The following ERBB4 variants were observed in gnomAD, a reference collection of about 807,000 sequenced individuals.
ERBB4 encodes erb-b2 receptor tyrosine kinase 4.
Under a neutral mutation model 158.0 loss-of-function variants are expected in ERBB4, and 42 were observed. That is an observed-to-expected ratio of 0.27 (90% CI 0.21 to 0.34). The LOEUF is 0.34. Among genes scored for constraint, ERBB4 ranks in the 10% least tolerant of loss-of-function variants. The pLI is 1.00. For missense variants in ERBB4, 1,333 were observed against 1,624.1 expected (o/e 0.82, Z 3.08); for synonymous variants, 583 against 558.7 (o/e 1.04, Z -0.61).
chr2:211,674,079 C>T (rs1367923644), intron 13 of ERBB4, among the ~76,000 whole-genome samples: 1 of 151,964 alleles, frequency 6.6e-6, no homozygotes. Flanking sequence ...ATTATTATAT[C>T]AATAATTAGA....
At chr2:212,145,727 T>TAAA (rs5838300) in intron 1 of ERBB4, among the ~76,000 whole-genome samples, 1 of 88,878 alleles carries the variant, frequency 1.1e-5, no homozygotes, top group African/African-American at 3.6e-5. Context: ...CAGCATGCAG[T>TAAA]AAAAAAAAAA....
At chr2:211,617,630 C>T (rs539598497) in intron 19 of ERBB4, among the ~76,000 whole-genome samples, 13 of 152,120 alleles carry the variant, frequency 8.5e-5, no homozygotes, top group African/African-American at 3.1e-4. Flanking sequence ...TATCAACCTA[C>T]TATATGAGAA....
chr2:211,895,663 A>C (rs998075648), intron 3 of ERBB4, among the ~76,000 whole-genome samples: 1 of 152,088 alleles, frequency 6.6e-6, no homozygotes, highest in Non-Finnish European at 1.5e-5. Flanking sequence ...CCAGTTCTTT[A>C]ACCTTACATA....
At chr2:212,127,599 A>C (rs540920340) in intron 1 of ERBB4, among the ~76,000 whole-genome samples, 1 of 152,294 alleles carries the variant, frequency 6.6e-6, no homozygotes, top group African/African-American at 2.4e-5. Flanking sequence ...CTCATAAATA[A>C]ATAAATATTT....
intron 1 of ERBB4, among the ~76,000 whole-genome samples, chr2:212,315,695 C>T (rs2087242749): frequency 6.6e-6 from 1 of 151,428 alleles, no homozygotes; most frequent in Admixed American, 6.6e-5. Flanking sequence ...TGTGTCACTT[C>T]CAGTTCACAC....
At chr2:211,475,758 C>T (rs924175037) in intron 20 of ERBB4, among the ~76,000 whole-genome samples, 17 of 151,898 alleles carry the variant, frequency 1.1e-4, no homozygotes, top group Non-Finnish European at 2.1e-4. Context: ...AATCAATCAT[C>T]TGAAAAGGAT....
At chr2:211,881,907 T>A (rs193207898) in intron 3 of ERBB4, among the ~76,000 whole-genome samples, 198 of 152,228 alleles carry the variant, frequency 1.3e-3, no homozygotes, top group Non-Finnish European at 1.9e-3. Flanking sequence ...TCAGTGGCAG[T>A]CTTTTTGGGG....
At chr2:212,182,648 T>C (rs1238598009) in intron 1 of ERBB4, among the ~76,000 whole-genome samples, 1 of 151,924 alleles carries the variant, frequency 6.6e-6, no homozygotes, top group East Asian at 1.9e-4. Flanking sequence ...TTTGATTATT[T>C]CTTCCCACCC....
intron 2 of ERBB4, among the ~76,000 whole-genome samples, chr2:212,113,525 G>A (rs2079480528): frequency 8.1e-6 from 1 of 124,060 alleles, no homozygotes; most frequent in Admixed American, 1.1e-4. Flanking sequence ...AGTGAGCCGA[G>A]ATCATGCCAC....
rs1160587777 is a variant in ERBB4 at position 211,772,882 on chromosome 2, TATAC to T, written c.556+15139_556+15142del. ...ATATATATATATACACATATATATA[TATAC>T]ACACACACACACATATATATATACA... On this transcript the variant is annotated intron_variant, in intron 4 of 27. Transcript: ENST00000342788. Among the ~76,000 whole-genome samples, 37 of 99,858 alleles carry T rather than the reference TATAC, an allele frequency of 3.7e-4. 1 individual carries two copies. The highest frequency in any genetic ancestry group is 2.6e-3 in the South Asian group (7 of 2,688). The allele number at this position is 99,858 out of a possible 152,430, so 65.5% of individuals were successfully genotyped here.
At chr2:212,046,859 A>C (rs2077273593) in intron 2 of ERBB4, among the ~76,000 whole-genome samples, 1 of 152,202 alleles carries the variant, frequency 6.6e-6, no homozygotes, top group Non-Finnish European at 1.5e-5. Context: ...TAATGGCCCA[A>C]AAGTATACAA....
chr2:212,464,186 T>C (rs1688714885), intron 1 of ERBB4, among the ~76,000 whole-genome samples: 1 of 152,184 alleles, frequency 6.6e-6, no homozygotes, highest in African/African-American at 2.4e-5. Context: ...ATTTAATTAT[T>C]GCTTTGAAAT....
At chr2:211,558,284 A>G (rs1247469030) in intron 20 of ERBB4, among the ~76,000 whole-genome samples, 3 of 152,234 alleles carry the variant, frequency 2.0e-5, no homozygotes, top group Non-Finnish European at 2.9e-5. Context: ...AGGTGCCTAC[A>G]TTCCTCAATG....
In ERBB4 at chr2:211,838,987, G is replaced by A. The variant is rs146378111; in HGVS notation, c.422-50828C>T. Among the ~76,000 whole-genome samples the A allele has an allele frequency of 1.7e-3, 259 of 152,262 alleles. 2 individuals are homozygous for A. Among genetic ancestry groups the A allele is most frequent in the African/African-American group, 6.0e-3 (248 of 41,558 alleles). On this transcript the variant is annotated intron_variant, in intron 3 of 27. Coordinates refer to ENST00000342788, the MANE Select transcript of ERBB4 (RefSeq NM_005235.3). Reference sequence around the variant, plus strand: ...GAAATGATTTACCAACTGAATAAGTGTAGGTAATTTTACTGTATGTGCATT... The same window carrying A: ...GAAATGATTTACCAACTGAATAAGTATAGGTAATTTTACTGTATGTGCATT...
At chr2:212,340,999 G>C (rs1317926518) in intron 1 of ERBB4, among the ~76,000 whole-genome samples, 2 of 152,004 alleles carry the variant, frequency 1.3e-5, no homozygotes. Flanking sequence ...TGCTTTATTT[G>C]AGAAATAAAT....
intron 2 of ERBB4, among the ~76,000 whole-genome samples, chr2:212,045,727 C>G (rs1373369616): frequency 1.3e-5 from 2 of 152,184 alleles, no homozygotes; most frequent in African/African-American, 2.4e-5. Context: ...CCTGTCCTTA[C>G]AGATGAACAA....
At chr2:211,654,396 T>C (rs2071130916) in intron 16 of ERBB4, among the ~76,000 whole-genome samples, 1 of 152,354 alleles carries the variant, frequency 6.6e-6, no homozygotes, top group South Asian at 2.1e-4. Context: ...TATCTAGAGT[T>C]TCCTAAAAGG....
chr2:211,721,817 G>A (rs2074104303), intron 7 of ERBB4, among the ~76,000 whole-genome samples: 1 of 151,986 alleles, frequency 6.6e-6, no homozygotes, highest in Non-Finnish European at 1.5e-5. Flanking sequence ...GAAACAGTAT[G>A]ATAGGCAAAA....
chr2:211,886,022 TATAAAGC>T (rs1421096873), intron 3 of ERBB4, among the ~76,000 whole-genome samples: 1 of 152,210 alleles, frequency 6.6e-6, no homozygotes, highest in African/African-American at 2.4e-5. Flanking sequence ...ATTCAAATTA[TATAAAGC>T]ATAGAGAGAA....
Sources: gnomAD v4.1 joint callset for allele counts (sites outside exome capture counted in the v4.1 genomes callset) on GRCh38, gnomAD v4.1.1 for gene constraint, MANE v1.5 for transcripts, NCBI Gene and HGNC (gene_info 2026-07-23, HGNC 2026-07-21) for gene names.